The following GRIK2 variants were observed in gnomAD, a reference collection of about 807,000 sequenced individuals.
GRIK2 encodes glutamate receptor ionotropic, kainate 2.
Under a neutral mutation model 100.3 loss-of-function variants are expected in GRIK2, and 32 were observed. The observed-to-expected ratio is 0.32, with a 90% CI of 0.24 to 0.43. GRIK2 has a LOEUF of 0.43. Ranked by LOEUF, GRIK2 falls within the 20% of genes least tolerant of loss-of-function variation. The pLI, the probability that GRIK2 is intolerant of heterozygous loss-of-function variation, is 1.00. For missense variants in GRIK2, 843 were observed against 1,114.9 expected (o/e 0.76, Z 3.47); for synonymous variants, 417 against 389.4 (o/e 1.07, Z -0.83).
At chr6:101,665,209 A>T (rs1018504183) in intron 4 of GRIK2, among the ~76,000 whole-genome samples, 1 of 152,076 alleles carries the variant, frequency 6.6e-6, no homozygotes, top group East Asian at 1.9e-4. Flanking sequence ...ATATGATGGG[A>T]GTTCTGGCAC....
intron 7 of GRIK2, among the ~76,000 whole-genome samples, chr6:101,749,352 A>T (rs868093726): frequency 1.3e-5 from 2 of 151,936 alleles, no homozygotes; most frequent in Non-Finnish European, 2.9e-5. Flanking sequence ...TGAGTGATCC[A>T]TCTGTCTCGG....
chr6:101,934,675 T>C (rs1790507351), intron 14 of GRIK2, among the ~76,000 whole-genome samples: 1 of 151,966 alleles, frequency 6.6e-6, no homozygotes, highest in Non-Finnish European at 1.5e-5. Context: ...GCTCCTAATT[T>C]TGTAAATATA....
At chr6:101,515,190 T>A (rs1442554866) in intron 2 of GRIK2, among the ~76,000 whole-genome samples, 1 of 152,088 alleles carries the variant, frequency 6.6e-6, no homozygotes, top group Admixed American at 6.6e-5. Flanking sequence ...AGAATAATAG[T>A]CTCCAATCTC....
intron 4 of GRIK2, among the ~76,000 whole-genome samples, chr6:101,662,903 C>T (rs1769734098): frequency 1.3e-5 from 2 of 152,018 alleles, no homozygotes; most frequent in East Asian, 3.9e-4. Flanking sequence ...TATGTGCTGT[C>T]ATGTATTCCT....
chr6:101,995,742 T>C (rs986449475), intron 14 of GRIK2, among the ~76,000 whole-genome samples: 2 of 151,846 alleles, frequency 1.3e-5, no homozygotes, highest in East Asian at 3.9e-4. Context: ...GAATGGCACA[T>C]AATCTTTCCA....
intron 9 of GRIK2, among the ~76,000 whole-genome samples, chr6:101,803,729 A>G (rs562540338): frequency 5.7e-4 from 87 of 152,026 alleles, no homozygotes; most frequent in African/African-American, 2.1e-3. Context: ...ATTTCAATAC[A>G]TCTGCATAAA....
intron 2 of GRIK2, among the ~76,000 whole-genome samples, chr6:101,513,091 G>C (rs1471192413): frequency 6.6e-6 from 1 of 152,018 alleles, no homozygotes; most frequent in Non-Finnish European, 1.5e-5. Context: ...CCTCCAGGAA[G>C]TCTTGAGAAC....
chr6:101,535,064 C>T (rs977029599), intron 2 of GRIK2, among the ~76,000 whole-genome samples: 2 of 151,516 alleles, frequency 1.3e-5, no homozygotes, highest in Admixed American at 6.6e-5. Context: ...CATTTTGTGG[C>T]ATAATACCCT....
chr6:102,038,202 T>C (rs1022535158), intron 15 of GRIK2, among the ~76,000 whole-genome samples: 2 of 151,462 alleles, frequency 1.3e-5, no homozygotes, highest in Non-Finnish European at 3.0e-5. Flanking sequence ...TGGAGAAATA[T>C]GGTTAGCTGA....
At chr6:101,988,429 C>T (rs1794169633) in intron 14 of GRIK2, among the ~76,000 whole-genome samples, 1 of 151,674 alleles carries the variant, frequency 6.6e-6, no homozygotes, top group South Asian at 2.1e-4. Context: ...TTATTTTTAG[C>T]TCTAATTTTC....
chr6:102,000,072 C>G (rs1404302754), intron 14 of GRIK2, among the ~76,000 whole-genome samples: 1 of 152,008 alleles, frequency 6.6e-6, no homozygotes, highest in East Asian at 1.9e-4. Context: ...AAACCTTTTA[C>G]ATCTATGTTC....
At chr6:101,831,039 T>A (rs909612043) in intron 10 of GRIK2, among the ~76,000 whole-genome samples, 1 of 152,024 alleles carries the variant, frequency 6.6e-6, no homozygotes, top group African/African-American at 2.4e-5. Flanking sequence ...GTTGACAGGG[T>A]CATGAGAAGC....
chr6:101,711,204 A>C (rs1773671603), intron 7 of GRIK2, among the ~76,000 whole-genome samples: 1 of 151,888 alleles, frequency 6.6e-6, no homozygotes, highest in Non-Finnish European at 1.5e-5. Context: ...ATAAACTCTG[A>C]ATGTTTATGA....
At chr6:101,691,659 A>G (rs979155888) in intron 7 of GRIK2, among the ~76,000 whole-genome samples, 1 of 152,112 alleles carries the variant, frequency 6.6e-6, no homozygotes, top group African/African-American at 2.4e-5. Flanking sequence ...AGTAGTTCCC[A>G]TTCTTTTTAC....
At chr6:101,945,912 T>G (rs77262116) in intron 14 of GRIK2, among the ~76,000 whole-genome samples, 3 of 30,826 alleles carry the variant, frequency 9.7e-5, no homozygotes, top group Admixed American at 3.8e-4. Flanking sequence ...TATCTACTGT[T>G]TTTTTTTTTT....
chr6:101,724,053 G>A (rs1297234537), intron 7 of GRIK2, among the ~76,000 whole-genome samples: 1 of 151,688 alleles, frequency 6.6e-6, no homozygotes, highest in East Asian at 2.0e-4. Flanking sequence ...AAGATCATAT[G>A]TTCTGTTTTG....
chr6:101,528,013 T>C (rs922584622), intron 2 of GRIK2, among the ~76,000 whole-genome samples: 1 of 151,286 alleles, frequency 6.6e-6, no homozygotes, highest in Admixed American at 6.6e-5. Context: ...GACTGCTGGG[T>C]TCATATCCCA....
chr6:101,910,894 G>A (rs1967944), intron 12 of GRIK2, among the ~76,000 whole-genome samples: 127,960 of 150,054 alleles, frequency 0.85, 54,707 homozygotes, highest in East Asian at 0.94. Flanking sequence ...TAATTTTTCA[G>A]GTATCTTTAT....
chr6:101,863,512 A>G (rs1387774666), intron 11 of GRIK2, among the ~76,000 whole-genome samples: 1 of 152,184 alleles, frequency 6.6e-6, no homozygotes, highest in Non-Finnish European at 1.5e-5. Flanking sequence ...TTAATCATAG[A>G]CATTCCTTAT....
Sources: allele counts gnomAD v4.1 joint callset (sites outside exome capture counted in the v4.1 genomes callset), GRCh38; gene constraint gnomAD v4.1.1; transcripts MANE v1.5; gene names NCBI Gene and HGNC (gene_info 2026-07-23, HGNC 2026-07-21).